Variants in SFXN3 observed in about 807,000 individuals in gnomAD.
The protein encoded by SFXN3 is sideroflexin 3.
In SFXN3, 31 loss-of-function variants were observed where a neutral mutation model predicts 40.4. The observed-to-expected ratio is 0.77, with a 90% CI of 0.58 to 1.04. The LOEUF (loss-of-function observed/expected upper bound fraction) is 1.04, where lower values mean the gene tolerates loss of function less well. SFXN3 is among the 50% of genes least tolerant of loss of function. SFXN3 has a pLI of 0.00. For missense variants in SFXN3, 366 were observed against 408.2 expected, an observed-to-expected ratio of 0.90 and a Z score of 0.89; for synonymous variants, 157 against 160.0, an observed-to-expected ratio of 0.98 and a Z score of 0.14.
chr10:101,037,428 G>A, exon 9 of SFXN3: 1 of 1,614,198 alleles, frequency 6.2e-7, no homozygotes, highest in Non-Finnish European at 8.5e-7. Context: ...AAGACTTCCT[G>A]AAGGTAGGCG....
Position 101,035,630 on chromosome 10 carries a change from A to T in SFXN3, c.295A>T (p.Asn99Tyr), listed in dbSNP as rs377273920. The change falls in exon 4 of 12, where the codon AAC becomes TAC. Residue 99 changes from asparagine to tyrosine, a missense_variant. Coordinates refer to ENST00000393459, the Ensembl canonical transcript of SFXN3. Reference sequence around the variant, plus strand: ...CCGCATGTCAGCCCAGGTGCCCATGAACATGACCATCACTGGCTGCATGCT... The same window carrying T: ...CCGCATGTCAGCCCAGGTGCCCATGTACATGACCATCACTGGCTGCATGCT... 2.5e-6 allele frequency: 4 copies of T among 1,613,810 alleles called. No individual in the cohort carries two copies. The East Asian group carries it at 8.9e-5, about 36-fold the overall frequency.
chr10:101,037,343 C>T, intron 8 of SFXN3, 39 bp from the exon 9 acceptor site: 1 of 1,614,154 alleles, frequency 6.2e-7, no homozygotes, highest in South Asian at 1.1e-5. Context: ...TTTAACTCCA[C>T]TACTAATGTT....
chr10:101,034,666 C>T (rs766179360), intron 2 of SFXN3, 26 bp from the exon 3 acceptor site: 3 of 1,612,306 alleles, frequency 1.9e-6, no homozygotes, highest in Non-Finnish European at 2.5e-6. Context: ...TGGACTCCCG[C>T]TCTGACCCTT....
intron 1 of SFXN3, among the ~76,000 whole-genome samples, chr10:101,031,807 C>T (rs1378129512): frequency 6.6e-6 from 1 of 151,910 alleles, no homozygotes; most frequent in South Asian, 2.1e-4. Flanking sequence ...AGACCAGGGA[C>T]ACAGTGGAGC....
chr10:101,034,654 C>G (rs773939883), intron 2 of SFXN3, 38 bp from the exon 3 acceptor site: 12 of 1,606,820 alleles, frequency 7.5e-6, no homozygotes, highest in Non-Finnish European at 2.6e-6. Flanking sequence ...CCCTTGGACC[C>G]TTGGACTCCC....
rs371007036 is a variant in SFXN3, at chr10:101,036,695, G to A, written c.508-28G>A. On this transcript the variant is annotated intron_variant, in intron 6 of 11. Coordinates refer to ENST00000393459, the Ensembl canonical transcript of SFXN3. The surrounding 1 kb of genome is among the most constrained non-coding windows in gnomAD (Gnocchi z 4.2). ...CCCTCACCACCCCATGGCCCTTAGG[G>A]CCACTGAACAACACCCTTCCTCCCC... 1.7e-5 allele frequency: 28 copies of A among 1,604,552 alleles called. No homozygotes were observed. The African/African-American group carries it at 2.4e-4, about 14-fold the overall frequency.
In SFXN3 at chr10:101,039,162, T is replaced by C. The variant is rs780309391; in HGVS notation, c.822-13T>C. 6.2e-7 allele frequency: 1 copy of C among 1,607,776 alleles called. No individual in the cohort carries two copies. Among genetic ancestry groups the C allele is most frequent in the Admixed American group, 1.7e-5 (1 of 59,870 alleles). On this transcript the variant is annotated splice_polypyrimidine_tract_variant and intron_variant, in intron 10 of 11. Coordinates refer to ENST00000393459, the Ensembl canonical transcript of SFXN3. This position sits in a 1 kb window ranked among gnomAD's most constrained non-coding sequence, Gnocchi z 4.6. Reference sequence around the variant, plus strand: ...AAAGCTTTACAAACCTTTCCAACACTTGTCTCCCCCAGCCTGGTATTTGCA... The same window carrying C: ...AAAGCTTTACAAACCTTTCCAACACCTGTCTCCCCCAGCCTGGTATTTGCA...
chr10:101,038,172 G>A, intron 9 of SFXN3: 1 of 647,762 alleles, frequency 1.5e-6, no homozygotes, highest in Non-Finnish European at 2.0e-6. Flanking sequence ...AACAGTCAGT[G>A]CAAGGGCACT....
chr10:101,040,675 T>G (rs1255937710), exon 12 of SFXN3: 1 of 152,000 alleles, frequency 6.6e-6, no homozygotes, highest in Non-Finnish European at 1.5e-5. Flanking sequence ...CTCTGCCTCC[T>G]GGGTTCAAGT....
chr10:101,035,738 G>T, intron 4 of SFXN3, 71 bp downstream of exon 4: 1 of 1,540,196 alleles, frequency 6.5e-7, no homozygotes. Flanking sequence ...TGCGCTTCTT[G>T]TCTGGGCCAA....
At chr10:101,034,255 G>A (rs1004085639) in intron 2 of SFXN3, among the ~76,000 whole-genome samples, 2 of 152,088 alleles carry the variant, frequency 1.3e-5, no homozygotes, top group Non-Finnish European at 1.5e-5. Context: ...TTGTGCCCCT[G>A]GTTTATTGAG....
chr10:101,039,507 C>T lies in SFXN3; in HGVS notation c.888C>T (p.Asn296=), dbSNP rs57571683. 2 of 1,614,090 alleles carry T rather than the reference C, an allele frequency of 1.2e-6. No individual in the cohort carries two copies. The highest frequency in any genetic ancestry group is 1.7e-6 in the Non-Finnish European group (2 of 1,179,980). Residue 296 remains asparagine (N), a synonymous_variant, in exon 12 of 12, where the codon AAC becomes AAT. Transcript: ENST00000393459. This position sits in a 1 kb window ranked among gnomAD's most constrained non-coding sequence, Gnocchi z 4.6. ...ATTGCAGCTCCATACACATAAGCAA[C>T]CTGGAACCAGAGCTGAGAGCTCAGA...
chr10:101,036,601 CTA>C lies in SFXN3; in HGVS notation c.507+42_507+43del. On this transcript the variant is annotated intron_variant, in intron 6 of 11. Transcript: ENST00000393459. The surrounding 1 kb of genome is among the most constrained non-coding windows in gnomAD (Gnocchi z 4.2). ...CTCCCCTGACCACCCCATTCATCCT[CTA>C]TCTGCCTCCTTCTTCCTCATCACAC... The C allele has an allele frequency of 6.2e-7, 1 of 1,613,442 alleles. No individual in the cohort carries two copies. The highest frequency in any genetic ancestry group is 2.2e-5 in the East Asian group (1 of 44,864).
intron 9 of SFXN3, chr10:101,038,014 G>T: frequency 3.2e-6 from 1 of 308,232 alleles, no homozygotes; most frequent in Non-Finnish European, 4.9e-6. Flanking sequence ...AGTGTAATAT[G>T]TGCTTTGTAG....
intron 1 of SFXN3, chr10:101,032,020 G>C (rs12358578): frequency 5.8e-6 from 1 of 172,780 alleles, no homozygotes; most frequent in Non-Finnish European, 1.2e-5. Flanking sequence ...GCGGTAACCC[G>C]AGTCCCTCCC....
At chr10:101,035,901 G>C in intron 4 of SFXN3, 102 bp from the exon 5 acceptor site, 1 of 1,239,290 alleles carries the variant, frequency 8.1e-7, no homozygotes, top group Non-Finnish European at 1.2e-6. Context: ...CATTAACTGG[G>C]TCCCTTCTTA....
At chr10:101,032,338 G>A (rs1938296679) in exon 2 of SFXN3, 3 of 1,072,808 alleles carry the variant, frequency 2.8e-6, no homozygotes, top group Non-Finnish European at 2.6e-6. Flanking sequence ...CGTGCCCACC[G>A]GGTGGGCGCG....
chr10:101,037,743 T>G, intron 9 of SFXN3: 1 of 1,315,508 alleles, frequency 7.6e-7, no homozygotes. Flanking sequence ...TACCCCCTAG[T>G]GCCTCCATAC....
At chr10:101,034,305 G>A (rs1938476788) in intron 2 of SFXN3, among the ~76,000 whole-genome samples, 1 of 152,180 alleles carries the variant, frequency 6.6e-6, no homozygotes, top group Admixed American at 6.5e-5. Flanking sequence ...TATACTGCTT[G>A]TAAACATTTT....
Sources: allele counts gnomAD v4.1 joint callset (sites outside exome capture counted in the v4.1 genomes callset), GRCh38; gene constraint gnomAD v4.1.1; non-coding constraint Gnocchi (gnomAD v3.1); transcripts MANE v1.5; gene names NCBI Gene and HGNC (gene_info 2026-07-23, HGNC 2026-07-21).